VAC14: variants seen among roughly 807,000 people sequenced by gnomAD.
VAC14 encodes protein VAC14 homolog.
Under a neutral mutation model 85.3 loss-of-function variants are expected in VAC14, and 47 were observed. The ratio of observed to expected loss-of-function variants is 0.55; its 90% CI spans 0.44 to 0.70. The LOEUF (loss-of-function observed/expected upper bound fraction) is 0.70. Among genes scored for constraint, VAC14 ranks in the 30% least tolerant of loss-of-function variants. VAC14 has a pLI of 0.00. For missense variants in VAC14, 861 were observed against 1,004.3 expected, an observed-to-expected ratio of 0.86 and a Z score of 1.93; for synonymous variants, 447 against 430.5, an observed-to-expected ratio of 1.04 and a Z score of -0.47.
intron 14 of VAC14, among the ~76,000 whole-genome samples, chr16:70,724,646 C>A (rs1028582950): frequency 1.3e-5 from 2 of 152,206 alleles, no homozygotes; most frequent in African/African-American, 2.4e-5. Context: ...GCGGCTCCTG[C>A]TGCACACACT....
At chr16:70,798,759 A>G (rs2034648666) in intron 1 of VAC14, among the ~76,000 whole-genome samples, 1 of 152,134 alleles carries the variant, frequency 6.6e-6, no homozygotes, top group Admixed American at 6.5e-5. Context: ...CTCCCAGGTG[A>G]TCCTGATGCT....
At chr16:70,773,636 A>T (rs1043245072) in intron 9 of VAC14, among the ~76,000 whole-genome samples, 1 of 152,118 alleles carries the variant, frequency 6.6e-6, no homozygotes, top group Non-Finnish European at 1.5e-5. Flanking sequence ...CCTGATACTA[A>T]TTTTTTGTAG....
intron 12 of VAC14, among the ~76,000 whole-genome samples, chr16:70,759,088 G>A (rs1415991759): frequency 6.6e-6 from 1 of 152,214 alleles, no homozygotes; most frequent in East Asian, 1.9e-4. Flanking sequence ...GGTGGCAGCA[G>A]AGCTGGGTCT....
intron 13 of VAC14, among the ~76,000 whole-genome samples, chr16:70,743,809 C>T (rs1040187589): frequency 6.6e-6 from 1 of 152,196 alleles, no homozygotes; most frequent in African/African-American, 2.4e-5. Flanking sequence ...TACTACCAAA[C>T]GTGTCCTCAG....
intron 14 of VAC14, among the ~76,000 whole-genome samples, chr16:70,717,791 C>G (rs1054970468): frequency 6.6e-6 from 1 of 152,156 alleles, no homozygotes; most frequent in Non-Finnish European, 1.5e-5. Context: ...AGACCACAGG[C>G]GCATGCCACC....
At chr16:70,705,803 A>C (rs1223789441) in intron 14 of VAC14, among the ~76,000 whole-genome samples, 1 of 152,198 alleles carries the variant, frequency 6.6e-6, no homozygotes, top group Admixed American at 6.5e-5. Context: ...CCACCTCCTC[A>C]GTTTTCCCCT....
chr16:70,692,705 G>A, intron 18 of VAC14, 116 bp downstream of exon 18: 5 of 1,396,438 alleles, frequency 3.6e-6, no homozygotes, highest in Non-Finnish European at 4.8e-6. Flanking sequence ...CAAAAGGGGT[G>A]GGATGCTGAA....
intron 13 of VAC14, among the ~76,000 whole-genome samples, chr16:70,738,441 G>A (rs74336385): frequency 0.025 from 3,877 of 152,322 alleles, 173 homozygotes; most frequent in African/African-American, 0.087. Flanking sequence ...ATGGGATGCA[G>A]CAGGGCCCAG....
At chr16:70,700,626 A>G (rs2053806812) in intron 14 of VAC14, among the ~76,000 whole-genome samples, 1 of 152,154 alleles carries the variant, frequency 6.6e-6, no homozygotes, top group Non-Finnish European at 1.5e-5. Context: ...CTGCAGAGGG[A>G]AAGCCCAGCC....
At chr16:70,742,520 G>C (rs1348752839) in intron 13 of VAC14, among the ~76,000 whole-genome samples, 1 of 152,232 alleles carries the variant, frequency 6.6e-6, no homozygotes, top group African/African-American at 2.4e-5. Context: ...CAGAGGGTGG[G>C]AGTCCCAGCA....
Position 70,732,375 on chromosome 16 carries a change from C to T in VAC14, c.1529-748G>A, listed in dbSNP as rs566715295. The stretch of plus-strand genomic sequence containing the variant: ...ACCAGGAGCACAAATGTCTCTGACG[C>T]GTGTCCCAGCTAGAAAACACACCGA... On this transcript the variant is annotated intron_variant, in intron 13 of 18. Coordinates refer to ENST00000261776, the MANE Select transcript of VAC14 (RefSeq NM_018052.5). Among the ~76,000 whole-genome samples the T allele has an allele frequency of 1.5e-4, 23 of 152,306 alleles. 1 individual carries two copies. The Middle Eastern group carries it at 0.017, about 113-fold the overall frequency.
At chr16:70,745,988 T>A (rs2030855982) in intron 12 of VAC14, among the ~76,000 whole-genome samples, 1 of 152,176 alleles carries the variant, frequency 6.6e-6, no homozygotes, top group Non-Finnish European at 1.5e-5. Context: ...ATGGGGGTAA[T>A]GGTTGCAAAA....
chr16:70,744,704 G>A, intron 12 of VAC14, 125 bp from the exon 13 acceptor site: 2 of 1,191,768 alleles, frequency 1.7e-6, no homozygotes, highest in Non-Finnish European at 2.3e-6. Flanking sequence ...ATGACAGCAG[G>A]CTGGGAAGAG....
At chr16:70,722,385 C>T (rs2054316449) in intron 14 of VAC14, among the ~76,000 whole-genome samples, 2 of 152,268 alleles carry the variant, frequency 1.3e-5, no homozygotes, top group Non-Finnish European at 2.9e-5. Context: ...GAGCTCTCTC[C>T]TTCCCCATGG....
At chr16:70,755,954 T>TC in intron 12 of VAC14, 1 of 454,546 alleles carries the variant, frequency 2.2e-6, no homozygotes, top group Admixed American at 2.4e-5. Flanking sequence ...GTTTGGGGCT[T>TC]CCCCCAGGTG....
In VAC14 at chr16:70,756,839, C is replaced by G. The variant is rs75975703; in HGVS notation, c.1371+5701G>C. Among the ~76,000 whole-genome samples, 1,522 of 152,334 alleles carry G rather than the reference C, an allele frequency of 1.0e-2. 20 individuals are homozygous for G. The highest frequency in any genetic ancestry group is 0.027 in the African/African-American group (1,117 of 41,586). On this transcript the variant is annotated intron_variant, in intron 12 of 18. Coordinates refer to ENST00000261776, the MANE Select transcript of VAC14 (RefSeq NM_018052.5). ...TCCCTAGACCTTGCCCCCTACCATC[C>G]TTTCCTCCTGAGTCATGGCCGTGCC... is the stretch of plus-strand genomic sequence containing the variant.
intron 16 of VAC14, 47 bp from the exon 17 acceptor site, chr16:70,695,670 G>A (rs747084294): frequency 9.6e-6 from 15 of 1,570,234 alleles, no homozygotes; most frequent in East Asian, 2.3e-5. Context: ...CAGCACAGCC[G>A]CAGCTCACAG....
chr16:70,713,160 G>C (rs528160263), intron 14 of VAC14, among the ~76,000 whole-genome samples: 1 of 152,328 alleles, frequency 6.6e-6, no homozygotes, highest in South Asian at 2.1e-4. Flanking sequence ...GAAAAAAAAG[G>C]CCTGGCTCCA....
intron 12 of VAC14, among the ~76,000 whole-genome samples, chr16:70,745,508 T>TGC (rs1199694595): frequency 6.7e-6 from 1 of 148,774 alleles, no homozygotes; most frequent in Non-Finnish European, 1.5e-5. Context: ...TGTGTGTGTG[T>TGC]GTGTGTGTGT....
Sources: allele counts gnomAD v4.1 joint callset (sites outside exome capture counted in the v4.1 genomes callset), GRCh38; gene constraint gnomAD v4.1.1; transcripts MANE v1.5; gene names NCBI Gene and HGNC (gene_info 2026-07-23, HGNC 2026-07-21).